LRRC7: variants seen among roughly 807,000 people sequenced by gnomAD.
LRRC7 encodes leucine rich repeat containing 7, also known as leucine-rich repeat-containing protein 7.
A neutral mutation model predicts 175.7 loss-of-function variants in LRRC7; 23 were observed. The observed-to-expected ratio is 0.13, with a 90% CI of 0.09 to 0.19. LRRC7 has a LOEUF of 0.19. LRRC7 is among the 10% of genes least tolerant of loss of function. The pLI is 1.00. For missense variants in LRRC7, 1,354 were observed against 1,904.7 expected (o/e 0.71, Z 5.38); for synonymous variants, 685 against 680.9 (o/e 1.01, Z -0.09).
intron 2 of LRRC7, among the ~76,000 whole-genome samples, chr1:69,750,477 G>T (rs999590426): frequency 6.6e-6 from 1 of 152,094 alleles, no homozygotes; most frequent in African/African-American, 2.4e-5. Context: ...AATTAAAAAG[G>T]TATCTAGAAA....
chr1:69,989,725 G>C (rs919253029), intron 10 of LRRC7, among the ~76,000 whole-genome samples: 1 of 152,034 alleles, frequency 6.6e-6, no homozygotes, highest in African/African-American at 2.4e-5. Context: ...ACTATTCAAA[G>C]AGAAAATAGT....
At position 69,846,463 on chromosome 1, in the gene LRRC7, C is replaced by A. The variant is rs573608384; in HGVS notation, c.647+8180C>A. ...TTTACCAAAAGATAAAAACTGCCTG[C>A]AGTAACAGTGAGGCTGAAAGCACTC... On this transcript the variant is annotated intron_variant, in intron 7 of 26. Transcript: ENST00000651989. 2.0e-5 allele frequency among the ~76,000 whole-genome samples: 3 copies of A among 151,818 alleles called. 1 individual carries two copies. Among genetic ancestry groups the A allele is most frequent in the South Asian group, 4.2e-4 (2 of 4,802 alleles).
At chr1:69,621,564 G>T (rs867012158) in intron 1 of LRRC7, among the ~76,000 whole-genome samples, 1 of 152,058 alleles carries the variant, frequency 6.6e-6, no homozygotes, top group East Asian at 1.9e-4. Flanking sequence ...TATCATAGTT[G>T]TTTAATAATC....
At chr1:69,784,603 T>A (rs963588689) in intron 3 of LRRC7, among the ~76,000 whole-genome samples, 3 of 152,172 alleles carry the variant, frequency 2.0e-5, no homozygotes, top group African/African-American at 7.2e-5. Flanking sequence ...CCCTTCTACA[T>A]CCTTTGGGTT....
At chr1:69,840,080 T>C (rs1681560417) in intron 7 of LRRC7, among the ~76,000 whole-genome samples, 1 of 152,052 alleles carries the variant, frequency 6.6e-6, no homozygotes, top group African/African-American at 2.4e-5. Context: ...ATATAACTTA[T>C]ATAGCTGTTA....
Position 70,127,422 on chromosome 1 carries a change from A to C in LRRC7, c.*5535A>C, listed in dbSNP as rs1031193892. Reference sequence around the variant, plus strand: ...ACTCTAAGTTTTTATTTAAAAACATACAGTTAAAGTATAGGAATATTGAGT... The same window carrying C: ...ACTCTAAGTTTTTATTTAAAAACATCCAGTTAAAGTATAGGAATATTGAGT... On this transcript the variant is annotated 3_prime_UTR_variant, in exon 27 of 27. Transcript: ENST00000651989. 6.6e-6 allele frequency among the ~76,000 whole-genome samples: 1 copy of C among 152,228 alleles called. No individual in the cohort carries two copies. Among genetic ancestry groups the C allele is most frequent in the African/African-American group, 2.4e-5 (1 of 41,468 alleles).
chr1:70,023,204 T>C lies in LRRC7; in HGVS notation c.1624T>C (p.Cys542Arg), dbSNP rs1657701053. The C allele has an allele frequency of 1.1e-5, 17 of 1,603,374 alleles. No individual in the cohort carries two copies. The highest frequency in any genetic ancestry group is 1.4e-5 in the Non-Finnish European group (16 of 1,173,570). Residue 542 changes from cysteine (C) to arginine (R), a missense_variant, in exon 17 of 27, where the codon TGC becomes CGC. Cys to Arg is a radical substitution (Grantham distance 180). Coordinates refer to ENST00000651989, the MANE Select transcript of LRRC7 (RefSeq NM_001370785.2). ...ACCTGCCAGACTGTCTGGCGATTGC[T>C]GCACACCATGGGCCAGGTGTGATCA... ...LQPARLSGDCCTPWARCDQQI... is the reference protein window; with the variant it reads ...LQPARLSGDCRTPWARCDQQI...
At chr1:69,604,452 C>A (rs2101006257) in intron 1 of LRRC7, among the ~76,000 whole-genome samples, 1 of 152,232 alleles carries the variant, frequency 6.6e-6, no homozygotes, top group South Asian at 2.1e-4. Flanking sequence ...TGGTGAGAGG[C>A]AGATGAATTG....
intron 2 of LRRC7, among the ~76,000 whole-genome samples, chr1:69,753,283 C>T (rs996563188): frequency 7.6e-6 from 1 of 131,138 alleles, no homozygotes; most frequent in Non-Finnish European, 1.6e-5. Flanking sequence ...AAATCATTGT[C>T]GTGTGTGTGT....
At chr1:69,656,501 T>C (rs1172878275) in intron 1 of LRRC7, among the ~76,000 whole-genome samples, 1 of 152,038 alleles carries the variant, frequency 6.6e-6, no homozygotes, top group Admixed American at 6.6e-5. Flanking sequence ...ATGTAGTACT[T>C]GGTTCAATTC....
intron 7 of LRRC7, among the ~76,000 whole-genome samples, chr1:69,893,300 G>T (rs1488813112): frequency 1.3e-5 from 2 of 152,134 alleles, no homozygotes; most frequent in Admixed American, 1.3e-4. Context: ...ATTCAAGATT[G>T]AAAATGTAAC....
At chr1:69,819,238 T>A (rs1678946252) in intron 4 of LRRC7, among the ~76,000 whole-genome samples, 1 of 152,088 alleles carries the variant, frequency 6.6e-6, no homozygotes, top group Admixed American at 6.6e-5. Context: ...CTGAATCCCA[T>A]AAGTTTTGGT....
At chr1:69,726,914 C>T (rs955807705) in intron 2 of LRRC7, among the ~76,000 whole-genome samples, 1 of 152,162 alleles carries the variant, frequency 6.6e-6, no homozygotes, top group African/African-American at 2.4e-5. Flanking sequence ...GTAGGTTAAG[C>T]TACTGACTGT....
chr1:70,056,851 T>C (rs1020908014), intron 23 of LRRC7, among the ~76,000 whole-genome samples: 6 of 151,928 alleles, frequency 3.9e-5, no homozygotes, highest in Non-Finnish European at 5.9e-5. Flanking sequence ...ACTTTGGAAA[T>C]AGTGAGGGAA....
intron 7 of LRRC7, among the ~76,000 whole-genome samples, chr1:69,877,931 G>A (rs1332844053): frequency 6.6e-6 from 1 of 152,120 alleles, no homozygotes; most frequent in African/African-American, 2.4e-5. Flanking sequence ...AACAACACGT[G>A]TGATAAGGAT....
intron 1 of LRRC7, among the ~76,000 whole-genome samples, chr1:69,615,911 C>A (rs1365155545): frequency 6.6e-6 from 1 of 151,978 alleles, no homozygotes. Flanking sequence ...TACGCCCCAC[C>A]ATAGGAAAGA....
At chr1:70,012,304 A>G (rs1260578214) in intron 12 of LRRC7, among the ~76,000 whole-genome samples, 1 of 151,884 alleles carries the variant, frequency 6.6e-6, no homozygotes, top group Non-Finnish European at 1.5e-5. Flanking sequence ...TTAAGGTATC[A>G]TGCTGCATTA....
chr1:69,841,254 T>C (rs1363763190), intron 7 of LRRC7, among the ~76,000 whole-genome samples: 3 of 152,108 alleles, frequency 2.0e-5, no homozygotes, highest in East Asian at 1.9e-4. Context: ...ATGTGGCTGC[T>C]CGCTTCCTTC....
At chr1:69,622,852 C>T (rs993908573) in intron 1 of LRRC7, among the ~76,000 whole-genome samples, 1 of 152,122 alleles carries the variant, frequency 6.6e-6, no homozygotes, top group Non-Finnish European at 1.5e-5. Flanking sequence ...CAAATGAAAA[C>T]TCAAGTTACT....
Sources: gnomAD v4.1 joint callset for allele counts (sites outside exome capture counted in the v4.1 genomes callset) on GRCh38, gnomAD v4.1.1 for gene constraint, MANE v1.5 for transcripts, NCBI Gene and HGNC (gene_info 2026-07-23, HGNC 2026-07-21) for gene names.